The following WDFY4 variants were observed in gnomAD, a reference collection of about 807,000 sequenced individuals.
WDFY4 encodes the protein WD repeat- and FYVE domain-containing protein 4.
A neutral mutation model predicts 351.9 loss-of-function variants in WDFY4; 169 were observed. The observed-to-expected ratio is 0.48, with a 90% CI of 0.42 to 0.55. The LOEUF (loss-of-function observed/expected upper bound fraction) is 0.55. WDFY4 is among the 20% of genes least tolerant of loss of function. WDFY4 has a pLI of 0.00. For missense variants in WDFY4, 3,803 were observed against 3,935.6 expected, an observed-to-expected ratio of 0.97 and a Z score of 0.90; for synonymous variants, 1,622 against 1,574.6, an observed-to-expected ratio of 1.03 and a Z score of -0.71.
In WDFY4 at chr10:48,811,675, G is replaced by A. The variant is rs2067451826; in HGVS notation, c.5181G>A (p.Gln1727=). The A allele has an allele frequency of 5.8e-6, 9 of 1,551,754 alleles. No homozygotes were observed. The highest frequency in any genetic ancestry group is 7.8e-6 in the Non-Finnish European group (9 of 1,147,010). The change falls in exon 30 of 62, where the codon CAG becomes CAA. Residue 1727 remains glutamine (Q), a synonymous_variant. Coordinates refer to ENST00000325239, the MANE Select transcript of WDFY4 (RefSeq NM_001394531.1). ...VYLIVSTFFL[Q]TPLTELMDGP... ...TCATCGTCTCCACCTTCTTCCTGCA[G>A]ACACCACTCACAGAGCTGATGGACG...
chr10:48,861,859 G>A (rs1423310203), intron 39 of WDFY4, among the ~76,000 whole-genome samples: 1 of 152,036 alleles, frequency 6.6e-6, no homozygotes, highest in African/African-American at 2.4e-5. Flanking sequence ...AGTCCTATAG[G>A]TAGCTAAGAC....
At chr10:48,752,454 T>C (rs149681865) in intron 12 of WDFY4, among the ~76,000 whole-genome samples, 1 of 152,258 alleles carries the variant, frequency 6.6e-6, no homozygotes, top group African/African-American at 2.4e-5. Context: ...CCATAGAATT[T>C]AATGCATTCA....
At chr10:48,969,890 G>T (rs1450662451) in intron 56 of WDFY4, among the ~76,000 whole-genome samples, 1 of 152,108 alleles carries the variant, frequency 6.6e-6, no homozygotes, top group Non-Finnish European at 1.5e-5. Context: ...GCCACCCCGT[G>T]CTGGTGCTCA....
intron 39 of WDFY4, among the ~76,000 whole-genome samples, chr10:48,840,381 C>T (rs1448803880): frequency 6.6e-6 from 1 of 151,760 alleles, no homozygotes; most frequent in African/African-American, 2.4e-5. Context: ...AGAGCCTTCT[C>T]TCTCATTTTT....
At chr10:48,898,099 G>A (rs548098376) in intron 45 of WDFY4, among the ~76,000 whole-genome samples, 1 of 152,106 alleles carries the variant, frequency 6.6e-6, no homozygotes, top group South Asian at 2.1e-4. Context: ...CTCCAACCAG[G>A]ATCTTTCAGT....
intron 13 of WDFY4, among the ~76,000 whole-genome samples, chr10:48,761,667 A>G (rs1206084041): frequency 5.9e-5 from 9 of 152,228 alleles, no homozygotes; most frequent in Admixed American, 5.9e-4. Context: ...GTAACAGAAC[A>G]AGACGAAGTT....
chr10:48,868,739 C>G (rs1318084090), intron 40 of WDFY4, among the ~76,000 whole-genome samples: 1 of 152,186 alleles, frequency 6.6e-6, no homozygotes, highest in African/African-American at 2.4e-5. Flanking sequence ...ATCTAAACTT[C>G]CTAATCTGCA....
chr10:48,889,647 T>C lies in WDFY4; in HGVS notation c.7168-932T>C, dbSNP rs185687496. Among the ~76,000 whole-genome samples, 776 of 152,342 alleles carry C rather than the reference T, an allele frequency of 5.1e-3. 5 individuals carry two copies. The highest frequency in any genetic ancestry group is 0.018 in the African/African-American group (750 of 41,584). On this transcript the variant is annotated intron_variant, in intron 43 of 61. Coordinates refer to ENST00000325239, the MANE Select transcript of WDFY4 (RefSeq NM_001394531.1). ...TTATTGATTCACTCACTTGTTCCTT[T>C]AGGGTTTACTATGTAAGGACCCACT...
intron 51 of WDFY4, among the ~76,000 whole-genome samples, chr10:48,947,631 G>A (rs1841115406): frequency 6.6e-6 from 1 of 152,212 alleles, no homozygotes; most frequent in African/African-American, 2.4e-5. Context: ...CCAAGGCATG[G>A]GGGATTTCTG....
At chr10:48,853,714 A>C (rs1263454682) in intron 39 of WDFY4, among the ~76,000 whole-genome samples, 1 of 152,256 alleles carries the variant, frequency 6.6e-6, no homozygotes, top group East Asian at 1.9e-4. Context: ...GATTCAGCTA[A>C]AGCAACATCT....
At chr10:48,981,192 G>T (rs578134117) in intron 60 of WDFY4, among the ~76,000 whole-genome samples, 175 bp from the exon 61 acceptor site, 1 of 152,184 alleles carries the variant, frequency 6.6e-6, no homozygotes. Context: ...AAATTGGGAC[G>T]GCCCTTTTTG....
chr10:48,717,216 G>A (rs1289715289), intron 2 of WDFY4, among the ~76,000 whole-genome samples: 1 of 152,192 alleles, frequency 6.6e-6, no homozygotes, highest in East Asian at 1.9e-4. Flanking sequence ...TTTAGTCATT[G>A]TTACTGTGTA....
At chr10:48,874,759 G>A (rs967942099) in intron 41 of WDFY4, among the ~76,000 whole-genome samples, 1 of 152,198 alleles carries the variant, frequency 6.6e-6, no homozygotes, top group Non-Finnish European at 1.5e-5. Context: ...TCCAGCCCTG[G>A]AACCTCCCCT....
chr10:48,768,044 G>A (rs549784597), intron 13 of WDFY4, among the ~76,000 whole-genome samples: 5 of 152,266 alleles, frequency 3.3e-5, no homozygotes, highest in Admixed American at 6.5e-5. Context: ...GCCTGGAATG[G>A]GTGTTAGGAT....
At chr10:48,901,292 A>T (rs555619543) in intron 46 of WDFY4, among the ~76,000 whole-genome samples, 2 of 152,316 alleles carry the variant, frequency 1.3e-5, no homozygotes, top group African/African-American at 4.8e-5. Flanking sequence ...CAGACATACA[A>T]CCCATTAAAC....
At chr10:48,826,617 A>T in intron 35 of WDFY4, 54 bp from the exon 36 acceptor site, 2 of 1,390,022 alleles carry the variant, frequency 1.4e-6, no homozygotes, top group South Asian at 2.5e-5. Flanking sequence ...TCTGTATCTA[A>T]AATTGTAAAG....
intron 47 of WDFY4, among the ~76,000 whole-genome samples, chr10:48,920,423 G>A (rs925911443): frequency 3.3e-5 from 5 of 151,976 alleles, no homozygotes; most frequent in South Asian, 2.1e-4. Flanking sequence ...GTTAAATGAC[G>A]AATTAATGGG....
At chr10:48,725,539 C>T (rs947358770) in intron 5 of WDFY4, among the ~76,000 whole-genome samples, 1 of 152,228 alleles carries the variant, frequency 6.6e-6, no homozygotes, top group Non-Finnish European at 1.5e-5. Context: ...TTTTAAATAG[C>T]ACAAGGTTCT....
At chr10:48,869,368 G>A (rs747922494) in intron 40 of WDFY4, among the ~76,000 whole-genome samples, 11 of 152,196 alleles carry the variant, frequency 7.2e-5, no homozygotes, top group Non-Finnish European at 8.8e-5. Context: ...AACACACCAC[G>A]CAGGACTTTT....
Sources: allele counts gnomAD v4.1 joint callset (sites outside exome capture counted in the v4.1 genomes callset), GRCh38; gene constraint gnomAD v4.1.1; transcripts MANE v1.5; gene names NCBI Gene and HGNC (gene_info 2026-07-23, HGNC 2026-07-21).